ZNF385D: variants seen among roughly 807,000 people sequenced by gnomAD.
The protein encoded by ZNF385D is zinc finger protein 659.
Under a neutral mutation model 35.8 loss-of-function variants are expected in ZNF385D, and 15 were observed. The observed-to-expected ratio is 0.42, with a 90% CI of 0.28 to 0.64. The LOEUF is 0.64. Ranked by LOEUF, ZNF385D falls within the 30% of genes least tolerant of loss-of-function variation. The pLI is 0.23. For missense variants in ZNF385D, 474 were observed against 494.6 expected (o/e 0.96, Z 0.39); for synonymous variants, 212 against 186.8 (o/e 1.13, Z -1.10).
chr3:22,126,733 T>C (rs1051038285), intron 3 of ZNF385D, among the ~76,000 whole-genome samples: 1 of 152,108 alleles, frequency 6.6e-6, no homozygotes. Context: ...TAATATCTCT[T>C]TGTTGATTTT....
chr3:21,722,539 G>C (rs2068586281), intron 1 of ZNF385D, among the ~76,000 whole-genome samples: 2 of 152,178 alleles, frequency 1.3e-5, no homozygotes, highest in South Asian at 4.1e-4. Flanking sequence ...AGTTGGTTGT[G>C]CTCCCAGATG....
upstream of ZNF385D, among the ~76,000 whole-genome samples, chr3:21,752,488 T>C (rs994042278): frequency 6.6e-6 from 1 of 152,336 alleles, no homozygotes; most frequent in African/African-American, 2.4e-5. Flanking sequence ...TTAATGTGCA[T>C]AGAAACTAGG....
At position 21,750,969 on chromosome 3, in the gene ZNF385D, A is replaced by C; in HGVS notation, c.-53T>G. 1 of 1,613,662 alleles carries C rather than the reference A, an allele frequency of 6.2e-7. No homozygotes were observed. The highest frequency in any genetic ancestry group is 8.5e-7 in the Non-Finnish European group (1 of 1,179,882). On this transcript the variant is annotated 5_prime_UTR_variant, in exon 1 of 8. Transcript: ENST00000281523. The stretch of plus-strand genomic sequence containing the variant: ...GTGTCTTCAGCATCAGCTCTCACCC[A>C]AGGCTGGCACGTAGAGCAGAGCCCT...
chr3:21,843,608 T>C (rs1037327556), intron 3 of ZNF385D, among the ~76,000 whole-genome samples: 2 of 151,966 alleles, frequency 1.3e-5, no homozygotes, highest in East Asian at 1.9e-4. Flanking sequence ...TAGAGGATAC[T>C]GTACTAGGCA....
intron 3 of ZNF385D, among the ~76,000 whole-genome samples, chr3:21,761,571 G>T (rs1034151112): frequency 6.6e-6 from 1 of 152,126 alleles, no homozygotes; most frequent in Non-Finnish European, 1.5e-5. Flanking sequence ...ATCAATGCAA[G>T]AACCAACATA....
chr3:21,900,069 T>C (rs1041344077), intron 3 of ZNF385D, among the ~76,000 whole-genome samples: 13 of 152,154 alleles, frequency 8.5e-5, no homozygotes, highest in African/African-American at 2.9e-4. Flanking sequence ...AGAGTCTAAG[T>C]AGGTTATTTA....
intron 2 of ZNF385D, among the ~76,000 whole-genome samples, chr3:22,295,294 A>G (rs2125403877): frequency 6.6e-6 from 1 of 152,300 alleles, no homozygotes; most frequent in South Asian, 2.1e-4. Context: ...ATAACATTCT[A>G]GAAAAAGTTT....
chr3:22,017,963 G>C (rs1046635840), intron 3 of ZNF385D, among the ~76,000 whole-genome samples: 1 of 151,776 alleles, frequency 6.6e-6, no homozygotes, highest in African/African-American at 2.4e-5. Context: ...TCTATGTATA[G>C]AAAAGTTAAT....
intron 2 of ZNF385D, among the ~76,000 whole-genome samples, chr3:22,172,595 C>T (rs1018352507): frequency 1.3e-5 from 2 of 152,156 alleles, no homozygotes; most frequent in Non-Finnish European, 2.9e-5. Context: ...CCACCCCTGG[C>T]ATGGGTCTCT....
At chr3:22,025,307 C>A (rs971052547) in intron 3 of ZNF385D, among the ~76,000 whole-genome samples, 19 of 152,124 alleles carry the variant, frequency 1.2e-4, no homozygotes, top group Non-Finnish European at 1.6e-4. Context: ...AATGTTGATT[C>A]TCCTTAGAAG....
intron 3 of ZNF385D, among the ~76,000 whole-genome samples, chr3:21,934,584 A>G (rs1000022751): frequency 6.6e-6 from 1 of 152,222 alleles, no homozygotes; most frequent in Non-Finnish European, 1.5e-5. Flanking sequence ...AACTTCTAAG[A>G]CAAACTATTT....
chr3:21,862,883 C>T (rs1185128647), intron 3 of ZNF385D, among the ~76,000 whole-genome samples: 1 of 152,128 alleles, frequency 6.6e-6, no homozygotes, highest in Non-Finnish European at 1.5e-5. Flanking sequence ...GTGGTCTCAG[C>T]TGTTTCAGAA....
At chr3:21,954,256 T>C (rs1490417091) in intron 3 of ZNF385D, among the ~76,000 whole-genome samples, 1 of 151,982 alleles carries the variant, frequency 6.6e-6, no homozygotes, top group Non-Finnish European at 1.5e-5. Flanking sequence ...GAATATTCCA[T>C]TTTAACACTT....
At chr3:22,061,082 G>A (rs1699663406) in intron 3 of ZNF385D, among the ~76,000 whole-genome samples, 1 of 151,758 alleles carries the variant, frequency 6.6e-6, no homozygotes, top group African/African-American at 2.4e-5. Flanking sequence ...CTAGAGCTCG[G>A]GTAACAGGGA....
chr3:21,905,832 C>T (rs1204960604), intron 3 of ZNF385D, among the ~76,000 whole-genome samples: 1 of 152,024 alleles, frequency 6.6e-6, no homozygotes, highest in Non-Finnish European at 1.5e-5. Context: ...TTTATATGTA[C>T]CTGACAATTA....
chr3:22,012,407 A>G (rs59280635), intron 3 of ZNF385D, among the ~76,000 whole-genome samples: 31,768 of 152,002 alleles, frequency 0.21, 3,762 homozygotes, highest in Non-Finnish European at 0.28. Flanking sequence ...AATAAATTAC[A>G]TTATTTACAT....
intron 4 of ZNF385D, among the ~76,000 whole-genome samples, chr3:21,496,230 G>C (rs914356416): frequency 2.7e-5 from 4 of 147,998 alleles, no homozygotes; most frequent in Non-Finnish European, 4.5e-5. Flanking sequence ...ACCTAAAGTT[G>C]GCAGAGATAA....
chr3:22,272,445 T>C (rs376993987), intron 2 of ZNF385D, among the ~76,000 whole-genome samples: 11 of 151,960 alleles, frequency 7.2e-5, no homozygotes, highest in African/African-American at 2.4e-4. Flanking sequence ...AAGAAATATA[T>C]ATGTTGACTG....
chr3:22,133,553 G>C (rs1051963491), intron 3 of ZNF385D: 2 of 152,044 alleles, frequency 1.3e-5, no homozygotes, highest in Non-Finnish European at 2.9e-5. Context: ...TATCTGGTTT[G>C]AGGCAAGATC....
Sources: allele counts gnomAD v4.1 joint callset (sites outside exome capture counted in the v4.1 genomes callset), GRCh38; gene constraint gnomAD v4.1.1; transcripts MANE v1.5; gene names NCBI Gene and HGNC (gene_info 2026-07-23, HGNC 2026-07-21).